Variants in PGAP1 observed in about 807,000 individuals in gnomAD.
PGAP1 encodes the protein GPI inositol-deacylase.
Under a neutral mutation model 127.0 loss-of-function variants are expected in PGAP1, and 76 were observed. The ratio of observed to expected loss-of-function variants is 0.60; its 90% CI spans 0.50 to 0.72. The LOEUF is 0.72. Ranked by LOEUF, PGAP1 falls within the 30% of genes least tolerant of loss-of-function variation. The probability of loss-of-function intolerance (pLI) is 0.00; values close to 1 mark genes in which losing one functional copy is unlikely to be tolerated. For missense variants in PGAP1, 982 were observed against 1,071.3 expected (o/e 0.92, Z 1.16); for synonymous variants, 362 against 366.5 (o/e 0.99, Z 0.14).
At chr2:196,917,574 A>G (rs1175471005) in intron 2 of PGAP1, among the ~76,000 whole-genome samples, 2 of 152,096 alleles carry the variant, frequency 1.3e-5, no homozygotes, top group Non-Finnish European at 2.9e-5. Context: ...GGGTTTGCCT[A>G]TTTTGGATAT....
intron 6 of PGAP1, 40 bp downstream of exon 6, chr2:196,898,277 T>C (rs376705847): frequency 4.0e-5 from 55 of 1,387,752 alleles, no homozygotes; most frequent in Non-Finnish European, 5.1e-5. Context: ...AAGAGGACCA[T>C]GACAACTCAT....
intron 13 of PGAP1, among the ~76,000 whole-genome samples, chr2:196,876,423 C>G (rs1195112408): frequency 6.6e-6 from 1 of 151,966 alleles, no homozygotes; most frequent in Non-Finnish European, 1.5e-5. Context: ...AAAAGAAATG[C>G]TTTTCAAAAA....
At chr2:196,870,816 T>C (rs1169412309) in intron 19 of PGAP1, 125 bp downstream of exon 19, 5 of 638,666 alleles carry the variant, frequency 7.8e-6, no homozygotes, top group Non-Finnish European at 1.3e-5. Flanking sequence ...TAGCAAAAGA[T>C]ACTGTATGTG....
chr2:196,922,106 T>G (rs1054120906), intron 1 of PGAP1: 60 of 1,247,828 alleles, frequency 4.8e-5, no homozygotes, highest in Non-Finnish European at 6.0e-5. Context: ...CAATTACCTT[T>G]GTATTTAAAT....
intron 4 of PGAP1, 142 bp from the exon 5 acceptor site, chr2:196,902,884 C>A: frequency 1.8e-6 from 1 of 543,642 alleles, no homozygotes; most frequent in East Asian, 3.2e-5. Flanking sequence ...TCACATTTCC[C>A]TATTTTCAGT....
At chr2:196,847,743 GT>G (rs1380372360) in intron 21 of PGAP1, 2 of 394,334 alleles carry the variant, frequency 5.1e-6, no homozygotes, top group Non-Finnish European at 9.0e-6. Flanking sequence ...TATACATAAA[GT>G]GAATAATTAC....
intron 11 of PGAP1, 44 bp from the exon 12 acceptor site, chr2:196,885,519 G>T (rs765162604): frequency 1.5e-6 from 2 of 1,301,304 alleles, no homozygotes; most frequent in Non-Finnish European, 2.2e-6. Flanking sequence ...CAAATATATG[G>T]AAGTATTACA....
chr2:196,867,201 C>G (rs1332101266), intron 19 of PGAP1, among the ~76,000 whole-genome samples: 3 of 152,108 alleles, frequency 2.0e-5, no homozygotes, highest in Non-Finnish European at 4.4e-5. Context: ...TACTGCGGCA[C>G]TGTTCACAAT....
intron 4 of PGAP1, among the ~76,000 whole-genome samples, chr2:196,904,273 C>T (rs944945035): frequency 3.3e-5 from 5 of 152,156 alleles, no homozygotes. Context: ...TAATTCGATC[C>T]CGCATTGCAA....
chr2:196,881,574 G>A (rs1273818209), intron 12 of PGAP1, among the ~76,000 whole-genome samples: 1 of 152,204 alleles, frequency 6.6e-6, no homozygotes, highest in African/African-American at 2.4e-5. Context: ...ACTGGTGCGA[G>A]ATAGTATCTC....
At chr2:196,874,711 T>C (rs553749617) in intron 14 of PGAP1, among the ~76,000 whole-genome samples, 1 of 152,272 alleles carries the variant, frequency 6.6e-6, no homozygotes, top group East Asian at 1.9e-4. Context: ...ATAACCTCAA[T>C]CTAATCATAA....
intron 3 of PGAP1, 48 bp from the exon 4 acceptor site, chr2:196,913,101 T>C (rs966344294): frequency 5.2e-6 from 8 of 1,529,666 alleles, no homozygotes; most frequent in Non-Finnish European, 7.1e-6. Flanking sequence ...GTATCATTTT[T>C]AAAATACTAA....
rs528476301 is a variant in PGAP1, at chr2:196,839,421, T to C, written c.*1813A>G. On this transcript the variant is annotated 3_prime_UTR_variant, in exon 27 of 27. Coordinates refer to ENST00000354764, the MANE Select transcript of PGAP1 (RefSeq NM_024989.4). The stretch of plus-strand genomic sequence containing the variant: ...GGGACAAGTATATAATCTAATAAAT[T>C]CTCTCTCTTTCCTCTCCAGCTGAAA... The C allele has an allele frequency of 6.6e-6, 1 of 152,178 alleles. No individual in the cohort carries two copies. Among genetic ancestry groups the C allele is most frequent in the South Asian group, 2.1e-4 (1 of 4,836 alleles). 9.4% of individuals were successfully genotyped at this position (152,178 alleles called of 1,614,324 possible).
chr2:196,898,791 T>C (rs906527201), intron 5 of PGAP1, among the ~76,000 whole-genome samples: 5 of 152,168 alleles, frequency 3.3e-5, no homozygotes, highest in Non-Finnish European at 7.4e-5. Flanking sequence ...GATTCTAAGA[T>C]GTTAACTTCT....
Position 196,838,663 on chromosome 2 carries a change from CATAA to C in PGAP1, c.*2567_*2570del, listed in dbSNP as rs1202507188. 6.6e-6 allele frequency: 1 copy of C among 152,052 alleles called. No individual in the cohort carries two copies. The highest frequency in any genetic ancestry group is 1.5e-5 in the Non-Finnish European group (1 of 68,016). 9.4% of individuals were successfully genotyped at this position (152,052 alleles called of 1,614,324 possible). On this transcript the variant is annotated 3_prime_UTR_variant, in exon 27 of 27. Transcript: ENST00000354764. ...GTCCTTAAAATGAAATTTTTTTTGG[CATAA>C]ATAATACTTTAGGACTTGGTGATAA...
rs1460733701 is a variant in PGAP1, at chr2:196,837,495, T to G, written c.*3739A>C. 1 of 152,168 alleles carries G rather than the reference T, an allele frequency of 6.6e-6. No homozygotes were observed. Among genetic ancestry groups the G allele is most frequent in the Non-Finnish European group, 1.5e-5 (1 of 68,056 alleles). The allele number at this position is 152,168 out of a possible 1,614,324, so 9.4% of individuals were successfully genotyped here. ...AATTAAAAAGTCAGGCACAGTGGCA[T>G]GTACCTGTAGTCTCACCTGCTGTGG... On this transcript the variant is annotated 3_prime_UTR_variant, in exon 27 of 27. Transcript: ENST00000354764.
intron 5 of PGAP1, among the ~76,000 whole-genome samples, chr2:196,899,706 G>A (rs193183675): frequency 2.6e-5 from 4 of 152,306 alleles, no homozygotes; most frequent in Admixed American, 2.0e-4. Context: ...TTGCACACTT[G>A]GCTAGACTAC....
intron 17 of PGAP1, 22 bp from the exon 18 acceptor site, chr2:196,872,571 C>G (rs1459158520): frequency 6.7e-6 from 10 of 1,499,888 alleles, no homozygotes; most frequent in Non-Finnish European, 9.3e-6. Context: ...ACTTAAATAT[C>G]AATTCTCAAA....
At chr2:196,895,624 A>G (rs1461230498) in intron 7 of PGAP1, among the ~76,000 whole-genome samples, 1 of 152,216 alleles carries the variant, frequency 6.6e-6, no homozygotes, top group Non-Finnish European at 1.5e-5. Flanking sequence ...AAATGTGGTA[A>G]AACACAAAAT....
Sources: gnomAD v4.1 joint callset for allele counts (sites outside exome capture counted in the v4.1 genomes callset) on GRCh38, gnomAD v4.1.1 for gene constraint, MANE v1.5 for transcripts, NCBI Gene and HGNC (gene_info 2026-07-23, HGNC 2026-07-21) for gene names.